The following FUT9 variants were observed in gnomAD, a reference collection of about 807,000 sequenced individuals.
FUT9 encodes fucosyltransferase 9.
In FUT9, 15 loss-of-function variants were observed where a neutral mutation model predicts 29.7. That is an observed-to-expected ratio of 0.51 (90% confidence interval 0.34 to 0.78). The LOEUF (loss-of-function observed/expected upper bound fraction) is 0.78. Among genes scored for constraint, FUT9 ranks in the 30% least tolerant of loss-of-function variants. The probability of loss-of-function intolerance (pLI) is 0.01; values close to 1 mark genes in which losing one functional copy is unlikely to be tolerated. For synonymous variants in FUT9, 169 were observed against 153.7 expected, an observed-to-expected ratio of 1.10 and a Z score of -0.74; for missense variants, 319 against 425.4, an observed-to-expected ratio of 0.75 and a Z score of 2.20.
intron 2 of FUT9, among the ~76,000 whole-genome samples, chr6:96,155,403 G>C (rs991319801): frequency 6.6e-6 from 1 of 152,084 alleles, no homozygotes; most frequent in African/African-American, 2.4e-5. Context: ...TTAAAATAAG[G>C]CCTTTAGTGT....
intron 2 of FUT9, among the ~76,000 whole-genome samples, chr6:96,141,520 C>T (rs1007553599): frequency 6.6e-6 from 1 of 151,994 alleles, no homozygotes; most frequent in Non-Finnish European, 1.5e-5. Context: ...TGGAGGGGTC[C>T]AGGGGGATCA....
intron 2 of FUT9, among the ~76,000 whole-genome samples, chr6:96,166,314 G>A (rs1773015520): frequency 6.6e-6 from 1 of 152,114 alleles, no homozygotes; most frequent in African/African-American, 2.4e-5. Context: ...TGTTGGCATA[G>A]TCTATACATT....
At chr6:96,182,905 C>T (rs1773335769) in intron 2 of FUT9, among the ~76,000 whole-genome samples, 1 of 151,790 alleles carries the variant, frequency 6.6e-6, no homozygotes, top group Non-Finnish European at 1.5e-5. Flanking sequence ...TTTGCTTAGT[C>T]TTGCTTCCGC....
In FUT9 at chr6:96,169,666, T is replaced by C. The variant is rs868098828; in HGVS notation, c.-8-33482T>C. Among the ~76,000 whole-genome samples, 5 of 152,288 alleles carry C rather than the reference T, an allele frequency of 3.3e-5. No individual in the cohort carries two copies. In the Middle Eastern group the frequency reaches 0.014, roughly 414 times the overall value. The stretch of plus-strand genomic sequence containing the variant: ...TTTAGGTTTTTTAAAATCAAAGAAC[T>C]ATTCTAAAGTACTTCGGCAGTATAA... On this transcript the variant is annotated intron_variant, in intron 2 of 2. Transcript: ENST00000302103.
rs1770676854 is a variant in FUT9, at chr6:96,051,865, G to A, written c.-98+35653G>A. ...TCTAATTCCTTGGATTAGAATTCTG[G>A]TGGTAAAGAGCAAGCATCCAGACCC... On this transcript the variant is annotated intron_variant, in intron 1 of 2. Transcript: ENST00000302103. Among the ~76,000 whole-genome samples, 3 of 151,922 alleles carry A rather than the reference G, an allele frequency of 2.0e-5. No homozygotes were observed. In the South Asian group the frequency reaches 6.2e-4, roughly 32 times the overall value.
At chr6:96,063,316 C>A (rs1770907858) in intron 1 of FUT9, among the ~76,000 whole-genome samples, 1 of 152,126 alleles carries the variant, frequency 6.6e-6, no homozygotes, top group African/African-American at 2.4e-5. Context: ...ATGGTGCCAA[C>A]ATCTGCTCAG....
chr6:96,081,085 A>C (rs1327985507), intron 1 of FUT9, among the ~76,000 whole-genome samples: 1 of 151,828 alleles, frequency 6.6e-6, no homozygotes, highest in Admixed American at 6.6e-5. Flanking sequence ...TCCTATTCAC[A>C]CTAGGATTTA....
chr6:96,076,248 G>A, intron 1 of FUT9, among the ~76,000 whole-genome samples: 1 of 152,166 alleles, frequency 6.6e-6, no homozygotes, highest in Non-Finnish European at 1.5e-5. Flanking sequence ...AATATAGGAA[G>A]ACTATTTTGG....
intron 2 of FUT9, among the ~76,000 whole-genome samples, chr6:96,172,164 A>G (rs887560392): frequency 1.3e-5 from 2 of 152,084 alleles, no homozygotes; most frequent in African/African-American, 4.8e-5. Flanking sequence ...CAAGGCACTA[A>G]TTCTATTTAT....
At chr6:96,079,890 A>C (rs1313257556) in intron 1 of FUT9, among the ~76,000 whole-genome samples, 3 of 152,110 alleles carry the variant, frequency 2.0e-5, no homozygotes, top group African/African-American at 7.2e-5. Context: ...AGAAAATAAA[A>C]GTTTACTAGG....
intron 1 of FUT9, among the ~76,000 whole-genome samples, chr6:96,035,401 G>T (rs1453892086): frequency 6.6e-6 from 1 of 151,060 alleles, no homozygotes; most frequent in African/African-American, 2.4e-5. Flanking sequence ...ATTTAGACTT[G>T]AATTTCACAC....
chr6:96,060,379 C>T (rs1770851863), intron 1 of FUT9, among the ~76,000 whole-genome samples: 1 of 152,092 alleles, frequency 6.6e-6, no homozygotes, highest in Admixed American at 6.5e-5. Context: ...CATTTATAAC[C>T]ATTAAATACA....
At chr6:96,068,088 A>G (rs527678552) in intron 1 of FUT9, among the ~76,000 whole-genome samples, 1 of 152,302 alleles carries the variant, frequency 6.6e-6, no homozygotes, top group East Asian at 1.9e-4. Context: ...TGAAGAAAAT[A>G]TAATGAATCC....
At chr6:96,042,269 A>G (rs531081996) in intron 1 of FUT9, among the ~76,000 whole-genome samples, 4 of 152,174 alleles carry the variant, frequency 2.6e-5, no homozygotes, top group Non-Finnish European at 5.9e-5. Context: ...CTAACCTTAA[A>G]TATAACTAAG....
Position 96,084,253 on chromosome 6 carries a change from T to C in FUT9, c.-97-29786T>C, listed in dbSNP as rs1169573964. On this transcript the variant is annotated intron_variant, in intron 1 of 2. Coordinates refer to ENST00000302103, the MANE Select transcript of FUT9 (RefSeq NM_006581.4). ...AACAACTAAAATAATTTTAAGTTGA[T>C]TCTCCAAAGAATTCCATCAAAGAGA... is the stretch of plus-strand genomic sequence containing the variant. Among the ~76,000 whole-genome samples the C allele has an allele frequency of 3.9e-5, 6 of 152,112 alleles. No individual in the cohort carries two copies. The East Asian group carries it at 1.2e-3, about 29-fold the overall frequency.
chr6:96,169,664 A>G (rs191167347), intron 2 of FUT9, among the ~76,000 whole-genome samples: 214 of 152,284 alleles, frequency 1.4e-3, no homozygotes, highest in African/African-American at 4.9e-3. Flanking sequence ...AAATCAAAGA[A>G]CTATTCTAAA....
At chr6:96,116,631 A>G (rs936812361) in intron 2 of FUT9, among the ~76,000 whole-genome samples, 3 of 152,232 alleles carry the variant, frequency 2.0e-5, no homozygotes, top group Non-Finnish European at 2.9e-5. Flanking sequence ...TGATTTATGC[A>G]TATCATGGAT....
intron 1 of FUT9, among the ~76,000 whole-genome samples, chr6:96,039,813 A>C (rs2127931844): frequency 6.6e-6 from 1 of 152,288 alleles, no homozygotes; most frequent in East Asian, 1.9e-4. Context: ...AGCAATGAGC[A>C]ATAAGTTGTG....
At chr6:96,114,014 C>T (rs1215333725) in intron 1 of FUT9, 25 bp from the exon 2 acceptor site, 1 of 152,154 alleles carries the variant, frequency 6.6e-6, no homozygotes, top group Non-Finnish European at 1.5e-5. Flanking sequence ...AACTAACATA[C>T]TACTTTATTT....
Sources: gnomAD v4.1 joint callset for allele counts (sites outside exome capture counted in the v4.1 genomes callset) on GRCh38, gnomAD v4.1.1 for gene constraint, MANE v1.5 for transcripts, NCBI Gene and HGNC (gene_info 2026-07-23, HGNC 2026-07-21) for gene names.